Variants in TIMD4 observed in about 807,000 individuals in gnomAD.
The protein encoded by TIMD4 is T cell immunoglobulin and mucin domain containing 4.
A neutral mutation model predicts 41.2 loss-of-function variants in TIMD4; 31 were observed. That is an observed-to-expected ratio of 0.75 (90% CI 0.57 to 1.01). The LOEUF is 1.01. Among genes scored for constraint, TIMD4 ranks in the 50% least tolerant of loss-of-function variants. The pLI is 0.00. For synonymous variants in TIMD4, 204 were observed against 177.1 expected, an observed-to-expected ratio of 1.15 and a Z score of -1.21; for missense variants, 479 against 472.5, an observed-to-expected ratio of 1.01 and a Z score of -0.13.
At chr5:156,927,961 C>T (rs900666894) in intron 5 of TIMD4, among the ~76,000 whole-genome samples, 5 of 152,118 alleles carry the variant, frequency 3.3e-5, no homozygotes, top group African/African-American at 1.2e-4. Flanking sequence ...GTTGGAAATA[C>T]TGATTTGGGA....
intron 3 of TIMD4, among the ~76,000 whole-genome samples, chr5:156,951,272 A>G (rs13360515): frequency 3.9e-3 from 595 of 152,322 alleles, no homozygotes; most frequent in African/African-American, 0.013. Context: ...GAGAGGACTT[A>G]GAAGAAACCA....
At chr5:156,938,183 C>T (rs1357962266) in intron 5 of TIMD4, among the ~76,000 whole-genome samples, 2 of 152,154 alleles carry the variant, frequency 1.3e-5, no homozygotes, top group Non-Finnish European at 2.9e-5. Context: ...AGAAGAGACT[C>T]CTACCTAAGG....
intron 7 of TIMD4, 44 bp downstream of exon 7, chr5:156,922,055 G>T: frequency 6.7e-7 from 1 of 1,488,554 alleles, no homozygotes; most frequent in East Asian, 2.3e-5. Flanking sequence ...TCCTGCAGTC[G>T]CCAGGGTTCT....
intron 5 of TIMD4, among the ~76,000 whole-genome samples, chr5:156,937,590 C>T (rs1461404774): frequency 1.3e-5 from 2 of 152,126 alleles, no homozygotes; most frequent in East Asian, 3.9e-4. Context: ...ATTTCAACAG[C>T]TCACCCCTTA....
At chr5:156,934,706 G>T (rs770470681) in intron 5 of TIMD4, among the ~76,000 whole-genome samples, 4 of 151,782 alleles carry the variant, frequency 2.6e-5, no homozygotes, top group Non-Finnish European at 5.9e-5. Context: ...ACCCAACTCT[G>T]AATGACTCAA....
rs904750434 is a variant in TIMD4, at chr5:156,930,100, A to G, written c.845-3788T>C. Among the ~76,000 whole-genome samples, 4 of 152,024 alleles carry G rather than the reference A, an allele frequency of 2.6e-5. No homozygotes were observed. In the South Asian group the frequency reaches 8.3e-4, roughly 32 times the overall value. On this transcript the variant is annotated intron_variant, in intron 5 of 8. Transcript: ENST00000274532. ...ATTCTCATGCCTCAGCCTCCCAAGT[A>G]GCTGGGATTACAGGTATGCACCACC...
At chr5:156,945,031 T>G (rs187096630) in intron 5 of TIMD4, among the ~76,000 whole-genome samples, 1 of 152,060 alleles carries the variant, frequency 6.6e-6, no homozygotes, top group Non-Finnish European at 1.5e-5. Context: ...GAAAATTACA[T>G]GAAAAAATGG....
intron 1 of TIMD4, among the ~76,000 whole-genome samples, chr5:156,958,249 G>T (rs1189104591): frequency 4.0e-5 from 6 of 151,526 alleles, no homozygotes; most frequent in Admixed American, 2.6e-4. Context: ...TCCAGCCTCG[G>T]CAGGGTGAGG....
At chr5:156,940,805 T>G (rs1759635478) in intron 5 of TIMD4, among the ~76,000 whole-genome samples, 1 of 152,226 alleles carries the variant, frequency 6.6e-6, no homozygotes, top group African/African-American at 2.4e-5. Context: ...AGCCGCCCCG[T>G]CTGGGAGGTG....
chr5:156,939,964 C>T (rs970680556), intron 5 of TIMD4, among the ~76,000 whole-genome samples: 1 of 152,224 alleles, frequency 6.6e-6, no homozygotes, highest in Non-Finnish European at 1.5e-5. Context: ...CCCTCTGCCT[C>T]TCCGTCGTCT....
chr5:156,919,350 T>A lies in TIMD4; in HGVS notation c.*107A>T. On this transcript the variant is annotated 3_prime_UTR_variant, in exon 9 of 9. Transcript: ENST00000274532. ...CTAAAGCAAGCCTGGATCAATGACATCCATGGAATAAGTGAGTCTTTTTTA... is the reference window on the plus strand; with the variant it reads ...CTAAAGCAAGCCTGGATCAATGACAACCATGGAATAAGTGAGTCTTTTTTA... The A allele has an allele frequency of 1.0e-6, 1 of 1,001,280 alleles. No individual in the cohort carries two copies. Among genetic ancestry groups the A allele is most frequent in the Non-Finnish European group, 1.5e-6 (1 of 653,990 alleles). The allele number at this position is 1,001,280 out of a possible 1,614,324, so 62.0% of individuals were successfully genotyped here.
chr5:156,923,539 A>ATT (rs199934025), intron 6 of TIMD4, among the ~76,000 whole-genome samples: 8 of 146,730 alleles, frequency 5.5e-5, no homozygotes, highest in Middle Eastern at 3.7e-3. Context: ...TAAGAAACTG[A>ATT]TTTTTTTTTT....
intron 5 of TIMD4, among the ~76,000 whole-genome samples, chr5:156,940,489 G>A (rs980565524): frequency 3.1e-4 from 47 of 151,676 alleles, no homozygotes; most frequent in African/African-American, 1.1e-3. Context: ...CTTCCCGGCC[G>A]CCGCCCCGTC....
Position 156,926,288 on chromosome 5 carries a change from T to A in TIMD4, c.869A>T (p.Gln290Leu). 1 of 1,613,720 alleles carries A rather than the reference T, an allele frequency of 6.2e-7. No homozygotes were observed. Among genetic ancestry groups the A allele is most frequent in the African/African-American group, 1.3e-5 (1 of 75,050 alleles). ...PGASDTAVPE[Q>L]NKTTKTGQMD... ...CTGTCCTGTTTTTGTTGTTTTGTTCTGCTCAGGAACTGCTGTATCAGATGC... is the reference window on the plus strand; with the variant it reads ...CTGTCCTGTTTTTGTTGTTTTGTTCAGCTCAGGAACTGCTGTATCAGATGC... Residue 290 changes from glutamine to leucine, a missense_variant, in exon 6 of 9, where the codon CAG (glutamine) becomes CTG (leucine). Physicochemically the swap from Gln to Leu is moderately radical, Grantham distance 113 (BLOSUM62 -2). Coordinates refer to ENST00000274532, the MANE Select transcript of TIMD4 (RefSeq NM_138379.3).
At chr5:156,960,360 G>A (rs1760056055) in intron 1 of TIMD4, among the ~76,000 whole-genome samples, 1 of 150,270 alleles carries the variant, frequency 6.7e-6, no homozygotes, top group Non-Finnish European at 1.5e-5. Context: ...AAGTGTGAAA[G>A]TGACAGGGAC....
intron 5 of TIMD4, among the ~76,000 whole-genome samples, chr5:156,932,104 C>T (rs1033146096): frequency 2.7e-4 from 41 of 151,918 alleles, no homozygotes; most frequent in African/African-American, 8.5e-4. Flanking sequence ...TACTTATTCC[C>T]CAAAGAAAAC....
Position 156,954,764 on chromosome 5 carries a change from G to C in TIMD4, c.59-8C>G, listed in dbSNP as rs755296193. 14 of 1,587,726 alleles carry C rather than the reference G, an allele frequency of 8.8e-6. No homozygotes were observed. The highest frequency in any genetic ancestry group is 1.2e-5 in the Non-Finnish European group (14 of 1,166,422). On this transcript the variant is annotated splice_region_variant and splice_polypyrimidine_tract_variant and intron_variant, in intron 1 of 8. Coordinates refer to ENST00000274532, the MANE Select transcript of TIMD4 (RefSeq NM_138379.3). ...TCTCTGAAGTGACTGGTGCTGCAAG[G>C]AAAAATGCGAAATTTAGGTCATGCA...
Position 156,935,473 on chromosome 5 carries a change from C to A in TIMD4, c.845-9161G>T, listed in dbSNP as rs80008340. ...AATATATACACTGAAATGAATAAAT[C>A]AACAGAGCATTACATACATCAGTCA... On this transcript the variant is annotated intron_variant, in intron 5 of 8. Coordinates refer to ENST00000274532, the MANE Select transcript of TIMD4 (RefSeq NM_138379.3). The A allele has an allele frequency of 2.6e-4, 39 of 152,274 alleles. 1 individual carries two copies. The East Asian group carries it at 7.1e-3, about 28-fold the overall frequency. 9.4% of individuals were successfully genotyped at this position (152,274 alleles called of 1,614,324 possible). A position where few individuals can be genotyped will look rare whatever the true frequency, so the allele number is the denominator to read the frequency against.
At chr5:156,924,346 G>T in intron 6 of TIMD4, 1 of 348,736 alleles carries the variant, frequency 2.9e-6, no homozygotes, top group South Asian at 2.6e-5. Flanking sequence ...TATAAAAGTT[G>T]GTGTCAGGAA....
Sources: gnomAD v4.1 joint callset for allele counts (sites outside exome capture counted in the v4.1 genomes callset) on GRCh38, gnomAD v4.1.1 for gene constraint, MANE v1.5 for transcripts, NCBI Gene and HGNC (gene_info 2026-07-23, HGNC 2026-07-21) for gene names.